The following CRISPLD2 variants were observed in gnomAD, a reference collection of about 807,000 sequenced individuals.
CRISPLD2 encodes the protein cysteine rich secretory protein LCCL domain containing 2, also known as cysteine-rich secretory protein LCCL domain-containing 2.
A neutral mutation model predicts 71.1 loss-of-function variants in CRISPLD2; 47 were observed. That is an observed-to-expected ratio of 0.66 (90% CI 0.52 to 0.84). The LOEUF (loss-of-function observed/expected upper bound fraction) is 0.84. Ranked by LOEUF, CRISPLD2 falls within the 40% of genes least tolerant of loss-of-function variation. The pLI is 0.00. For synonymous variants in CRISPLD2, 317 were observed against 250.1 expected (o/e 1.27, Z -2.52); for missense variants, 830 against 651.1 (o/e 1.27, Z -2.99).
At position 84,881,770 on chromosome 16, in the gene CRISPLD2, C is replaced by T. The variant is rs566760749; in HGVS notation, c.1305+1186C>T. 8.5e-5 allele frequency among the ~76,000 whole-genome samples: 13 copies of T among 152,208 alleles called. 1 individual carries two copies. The South Asian group carries it at 2.1e-3, about 24-fold the overall frequency. ...GGATTATAGGGGTGAGCCACTGCAC[C>T]CGGCCTCCAGATAGAGCTTTACTCA... On this transcript the variant is annotated intron_variant, in intron 13 of 14. Coordinates refer to ENST00000262424, the MANE Select transcript of CRISPLD2 (RefSeq NM_031476.4).
intron 6 of CRISPLD2, among the ~76,000 whole-genome samples, chr16:84,863,385 C>A (rs975199936): frequency 6.6e-6 from 1 of 152,232 alleles, no homozygotes; most frequent in South Asian, 2.1e-4. Context: ...AGCAGCTTAT[C>A]TGCAGAAGCT....
Position 84,890,197 on chromosome 16 carries a change from A to C in CRISPLD2, c.1439+834A>C, listed in dbSNP as rs145864260. Reference sequence around the variant, plus strand: ...CATGATGAAACCCCCGTCTCTACTAAAAATACAAAAAATTAGCCAGGCGTG... The same window carrying C: ...CATGATGAAACCCCCGTCTCTACTACAAATACAAAAAATTAGCCAGGCGTG... On this transcript the variant is annotated intron_variant, in intron 14 of 14. Transcript: ENST00000262424. Among the ~76,000 whole-genome samples, 263 of 152,068 alleles carry C rather than the reference A, an allele frequency of 1.7e-3. 5 individuals are homozygous for C. In the East Asian group the frequency reaches 0.048, roughly 28 times the overall value.
At position 84,850,067 on chromosome 16, in the gene CRISPLD2, A is replaced by C. The variant is rs565787638; in HGVS notation, c.493-501A>C. Among the ~76,000 whole-genome samples, 242 of 148,512 alleles carry C rather than the reference A, an allele frequency of 1.6e-3. 1 individual carries two copies. The highest frequency in any genetic ancestry group is 2.6e-3 in the Non-Finnish European group (178 of 67,276). On this transcript the variant is annotated intron_variant, in intron 4 of 14. Coordinates refer to ENST00000262424, the MANE Select transcript of CRISPLD2 (RefSeq NM_031476.4). ...CAATTTGACATTGTGGGGCATTTTC[A>C]TTGTGTGGGAGTCTGTTTGTTTGCT...
rs369503481 is a variant in CRISPLD2, at chr16:84,888,558, A to AAT, written c.1306-670_1306-669dup. Among the ~76,000 whole-genome samples the AAT allele has an allele frequency of 3.6e-3, 551 of 152,312 alleles. 4 individuals are homozygous for AAT. The highest frequency in any genetic ancestry group is 0.013 in the African/African-American group (533 of 41,574). On this transcript the variant is annotated intron_variant, in intron 13 of 14. Coordinates refer to ENST00000262424, the MANE Select transcript of CRISPLD2 (RefSeq NM_031476.4). ...ACCCAGCTGCTCCCTTGGTACCTAG[A>AAT]ATAGTCCAGACGCCACCCTGTGTCC... is the stretch of plus-strand genomic sequence containing the variant.
At chr16:84,873,754 C>T (rs972015607) in intron 10 of CRISPLD2, among the ~76,000 whole-genome samples, 166 bp from the exon 11 acceptor site, 1 of 152,012 alleles carries the variant, frequency 6.6e-6, no homozygotes, top group South Asian at 2.1e-4. Context: ...GTTAAGATGC[C>T]CTGGTCTAGA....
intron 13 of CRISPLD2, 130 bp downstream of exon 13, chr16:84,880,714 AATT>A: frequency 3.3e-6 from 2 of 600,832 alleles, no homozygotes; most frequent in South Asian, 4.5e-5. Flanking sequence ...TTAATTAATT[AATT>A]AATTTCGAGA....
chr16:84,835,413 T>C (rs779184450), intron 1 of CRISPLD2, among the ~76,000 whole-genome samples: 19 of 152,180 alleles, frequency 1.2e-4, no homozygotes, highest in Admixed American at 2.0e-4. Flanking sequence ...CAAAATCTGC[T>C]GTGTTCTCCT....
In CRISPLD2 at chr16:84,877,440, C is replaced by T. The variant is rs1173274096; in HGVS notation, c.1159C>T (p.Gln387Ter). 6.2e-7 allele frequency: 1 copy of T among 1,613,648 alleles called. No individual in the cohort carries two copies. Among genetic ancestry groups the T allele is most frequent in the Non-Finnish European group, 8.5e-7 (1 of 1,179,766 alleles). The change falls in exon 12 of 15, where the codon CAG becomes TAG. Residue 387 changes from glutamine to a stop codon, truncating the protein, a stop_gained and splice_region_variant. Coordinates refer to ENST00000262424, the MANE Select transcript of CRISPLD2 (RefSeq NM_031476.4). LOFTEE classifies it high-confidence loss of function. ...SSFMVSKVKVQDLDCYTTVAQ... is the reference protein window; with the variant it reads ...SSFMVSKVKV Reference sequence around the variant, plus strand: ...TTCCCCCTTGCTCCTGTTCACAGTGCAGGATTTGGACTGCTACACGACCGT... The same window carrying T: ...TTCCCCCTTGCTCCTGTTCACAGTGTAGGATTTGGACTGCTACACGACCGT...
At chr16:84,892,805 G>A (rs1009161752) in intron 14 of CRISPLD2, among the ~76,000 whole-genome samples, 13 of 151,604 alleles carry the variant, frequency 8.6e-5, no homozygotes, top group Admixed American at 1.3e-4. Flanking sequence ...GTGAAGCCCC[G>A]TCTCTACTAA....
intron 5 of CRISPLD2, 40 bp from the exon 6 acceptor site, chr16:84,854,689 C>G (rs4782674): frequency 1.1e-5 from 16 of 1,495,534 alleles, no homozygotes; most frequent in Non-Finnish European, 1.5e-5. Flanking sequence ...GGCCTCACGT[C>G]GTGGTTCCCT....
At chr16:84,868,933 C>T in intron 8 of CRISPLD2, 22 bp downstream of exon 8, 1 of 1,523,172 alleles carries the variant, frequency 6.6e-7, no homozygotes, top group South Asian at 1.2e-5. Flanking sequence ...CTGGGCTGTC[C>T]TGCCACTGTA....
chr16:84,872,155 A>T (rs930897563), intron 8 of CRISPLD2, among the ~76,000 whole-genome samples: 7 of 152,306 alleles, frequency 4.6e-5, no homozygotes, highest in African/African-American at 1.7e-4. Context: ...GGTTATACGC[A>T]AATACTAGGA....
chr16:84,903,172 T>A (rs972142808), intron 14 of CRISPLD2, among the ~76,000 whole-genome samples: 3 of 152,142 alleles, frequency 2.0e-5, no homozygotes, highest in African/African-American at 4.8e-5. Context: ...TCCAAAACAA[T>A]GGCCTCCCGT....
chr16:84,872,547 G>T, intron 9 of CRISPLD2, 39 bp downstream of exon 9: 2 of 1,539,438 alleles, frequency 1.3e-6, no homozygotes, highest in Non-Finnish European at 1.8e-6. Flanking sequence ...GCTTGTGTGG[G>T]ATCCTGTTGC....
At chr16:84,866,004 G>C (rs1422748703) in intron 6 of CRISPLD2, among the ~76,000 whole-genome samples, 1 of 152,198 alleles carries the variant, frequency 6.6e-6, no homozygotes, top group African/African-American at 2.4e-5. Flanking sequence ...TAAAACTCCA[G>C]TACAGAAGCA....
intron 14 of CRISPLD2, among the ~76,000 whole-genome samples, chr16:84,902,121 G>A (rs2071760560): frequency 6.6e-6 from 1 of 151,954 alleles, no homozygotes; most frequent in African/African-American, 2.4e-5. Flanking sequence ...TGTGAACAAC[G>A]CTTTGGGGTC....
rs562279795 is a variant in CRISPLD2 at position 84,903,021 on chromosome 16, G to A, written c.1440-3567G>A. Among the ~76,000 whole-genome samples, 33 of 152,078 alleles carry A rather than the reference G, an allele frequency of 2.2e-4. No individual in the cohort carries two copies. In the East Asian group the frequency reaches 5.5e-3, roughly 25 times the overall value. ...GACTTCAAGTGATCTGCCCACCTCA[G>A]CCTCCCAAAGTGCTGGGATTACAGG... On this transcript the variant is annotated intron_variant, in intron 14 of 14. Coordinates refer to ENST00000262424, the MANE Select transcript of CRISPLD2 (RefSeq NM_031476.4).
At position 84,906,823 on chromosome 16, in the gene CRISPLD2, C is replaced by T; in HGVS notation, c.*181C>T. 3 of 740,970 alleles carry T rather than the reference C, an allele frequency of 4.0e-6. No homozygotes were observed. The highest frequency in any genetic ancestry group is 7.1e-6 in the Non-Finnish European group (3 of 424,840). The allele number at this position is 740,970 out of a possible 1,614,324, so 45.9% of individuals were successfully genotyped here. A position where few individuals can be genotyped will look rare whatever the true frequency, so the allele number is the denominator to read the frequency against. On this transcript the variant is annotated 3_prime_UTR_variant, in exon 15 of 15. Coordinates refer to ENST00000262424, the MANE Select transcript of CRISPLD2 (RefSeq NM_031476.4). ...TCTCATCCCCTCACTGAAGCAACAG[C>T]ATCCCAAGGTGCTCAGCCGGACTCC...
intron 14 of CRISPLD2, among the ~76,000 whole-genome samples, chr16:84,900,930 G>T (rs987891812): frequency 3.3e-5 from 5 of 151,388 alleles, no homozygotes; most frequent in African/African-American, 1.2e-4. Context: ...TGCACCCGTG[G>T]TCCCAGCTAC....
Sources: allele counts gnomAD v4.1 joint callset (sites outside exome capture counted in the v4.1 genomes callset), GRCh38; gene constraint gnomAD v4.1.1; transcripts MANE v1.5; gene names NCBI Gene and HGNC (gene_info 2026-07-23, HGNC 2026-07-21).